PRKAR1B: variants seen among roughly 807,000 people sequenced by gnomAD.
PRKAR1B encodes cAMP-dependent protein kinase type I-beta regulatory subunit.
PRKAR1B carries 22 observed loss-of-function variants against 46.5 expected under a neutral mutation model. The observed-to-expected ratio is 0.47, with a 90% CI of 0.34 to 0.68. PRKAR1B has a LOEUF of 0.68. PRKAR1B is among the 30% of genes least tolerant of loss of function. The probability of loss-of-function intolerance (pLI) is 0.01; values close to 1 mark genes in which losing one functional copy is unlikely to be tolerated. For missense variants in PRKAR1B, 445 were observed against 535.6 expected (o/e 0.83, Z 1.67); for synonymous variants, 259 against 217.7 (o/e 1.19, Z -1.67).
At chr7:700,900 C>A (rs748331687) in intron 2 of PRKAR1B, among the ~76,000 whole-genome samples, 2 of 152,134 alleles carry the variant, frequency 1.3e-5, no homozygotes, top group Admixed American at 6.6e-5. Context: ...ACCAAAAGGA[C>A]AGGTGGGCAG....
intron 3 of PRKAR1B, 92 bp from the exon 4 acceptor site, chr7:677,412 G>A (rs1275268001): frequency 5.8e-6 from 6 of 1,037,944 alleles, no homozygotes; most frequent in South Asian, 1.3e-5. Flanking sequence ...TCAGCCTGCT[G>A]TTATCAGGCA....
chr7:561,076 G>GCA (rs756071001), intron 9 of PRKAR1B, among the ~76,000 whole-genome samples: 5 of 151,588 alleles, frequency 3.3e-5, no homozygotes, highest in Admixed American at 6.6e-5. Context: ...AAACACCTGC[G>GCA]CACACACACA....
chr7:697,898 A>AGAAGG (rs1173840559), intron 2 of PRKAR1B, among the ~76,000 whole-genome samples: 5,130 of 106,874 alleles, frequency 0.048, 299 homozygotes, highest in Non-Finnish European at 0.078. Flanking sequence ...AGAAGGGAAG[A>AGAAGG]GAAGGGAAGG....
intron 4 of PRKAR1B, among the ~76,000 whole-genome samples, chr7:653,052 C>G (rs562527015): frequency 6.6e-6 from 1 of 152,322 alleles, no homozygotes; most frequent in Admixed American, 6.5e-5. Flanking sequence ...TTCCCCACTG[C>G]ATGGTGGCTG....
chr7:557,701 C>T (rs570767291), intron 9 of PRKAR1B, among the ~76,000 whole-genome samples: 20 of 152,322 alleles, frequency 1.3e-4, no homozygotes, highest in Non-Finnish European at 2.2e-4. Context: ...AGACGCACCA[C>T]GGTCTCTCAA....
intron 3 of PRKAR1B, among the ~76,000 whole-genome samples, chr7:680,113 G>A (rs1165792476): frequency 2.7e-5 from 4 of 147,406 alleles, no homozygotes; most frequent in African/African-American, 7.6e-5. Context: ...AGCTGAGATC[G>A]CACCACTGCA....
chr7:702,022 A>G (rs1436235015), intron 2 of PRKAR1B, among the ~76,000 whole-genome samples: 1 of 152,240 alleles, frequency 6.6e-6, no homozygotes, highest in African/African-American at 2.4e-5. Context: ...TGTTAAAAGT[A>G]AAAATTATAA....
intron 1 of PRKAR1B, among the ~76,000 whole-genome samples, chr7:713,593 A>C (rs999410389): frequency 6.6e-6 from 1 of 151,494 alleles, no homozygotes; most frequent in Non-Finnish European, 1.5e-5. Flanking sequence ...ACCGTCTCCC[A>C]GTCAGCCCTC....
chr7:717,865 C>T (rs911583108), intron 1 of PRKAR1B, among the ~76,000 whole-genome samples: 1 of 152,102 alleles, frequency 6.6e-6, no homozygotes, highest in Non-Finnish European at 1.5e-5. Flanking sequence ...GTACCCTCCC[C>T]TTGAGTGTGT....
At chr7:627,947 CAG>C (rs1304428879) in intron 4 of PRKAR1B, among the ~76,000 whole-genome samples, 7 of 152,070 alleles carry the variant, frequency 4.6e-5, no homozygotes, top group Non-Finnish European at 8.8e-5. Flanking sequence ...ACCAGCAAAA[CAG>C]GGGTGAACAT....
chr7:601,971 G>A (rs1318337181), intron 6 of PRKAR1B, among the ~76,000 whole-genome samples: 1 of 152,052 alleles, frequency 6.6e-6, no homozygotes, highest in African/African-American at 2.4e-5. Flanking sequence ...GATTTGCCAG[G>A]ACAATATATT....
At chr7:624,978 T>C (rs1054324368) in intron 4 of PRKAR1B, among the ~76,000 whole-genome samples, 18 of 152,214 alleles carry the variant, frequency 1.2e-4, no homozygotes, top group African/African-American at 4.1e-4. Context: ...CAAGCTCACA[T>C]GAAACATTTA....
chr7:726,739 G>A lies in PRKAR1B; in HGVS notation c.-23+471C>T, dbSNP rs1457149692. The A allele has an allele frequency of 1.6e-6, 2 of 1,244,900 alleles. No individual in the cohort carries two copies. Among genetic ancestry groups the A allele is most frequent in the East Asian group, 6.3e-5 (2 of 31,748 alleles). The allele number at this position is 1,244,900 out of a possible 1,614,324, so 77.1% of individuals were successfully genotyped here. On this transcript the variant is annotated intron_variant, in intron 1 of 10. Coordinates refer to ENST00000537384, the MANE Select transcript of PRKAR1B (RefSeq NM_001164760.2). The stretch of plus-strand genomic sequence containing the variant: ...GGGCAAGATGGCGGCGCTGGGGGTG[G>A]CGGAGGCCGTGGCGGCCCCACACCC...
chr7:596,787 C>A (rs1781292182), intron 6 of PRKAR1B, among the ~76,000 whole-genome samples: 1 of 152,250 alleles, frequency 6.6e-6, no homozygotes, highest in Non-Finnish European at 1.5e-5. Flanking sequence ...CCAGGCCATT[C>A]CTCTGTCCCC....
chr7:707,685 G>C (rs1209721740), intron 2 of PRKAR1B, among the ~76,000 whole-genome samples: 1 of 152,134 alleles, frequency 6.6e-6, no homozygotes, highest in Non-Finnish European at 1.5e-5. Context: ...CCTATGAGAA[G>C]GGGAAATCTG....
At chr7:586,793 C>T (rs1445832014) in intron 7 of PRKAR1B, among the ~76,000 whole-genome samples, 1 of 152,102 alleles carries the variant, frequency 6.6e-6, no homozygotes, top group Non-Finnish European at 1.5e-5. Flanking sequence ...CTGAGTCCTG[C>T]AGGCGGCTGG....
At chr7:726,932 GC>G (rs1437509913) in intron 1 of PRKAR1B, 3 of 1,342,248 alleles carry the variant, frequency 2.2e-6, no homozygotes, top group South Asian at 1.7e-5. Context: ...GCTTTCCAGG[GC>G]CCCTGGGCGC....
chr7:558,482 G>A lies in PRKAR1B; in HGVS notation c.892-7012C>T, dbSNP rs187813100. Among the ~76,000 whole-genome samples, 177 of 152,292 alleles carry A rather than the reference G, an allele frequency of 1.2e-3. 1 individual carries two copies. Among genetic ancestry groups the A allele is most frequent in the African/African-American group, 4.0e-3 (165 of 41,554 alleles). ...GATCAGAAGGAAAACCAGGCCAGGC[G>A]TGGTGGCTCACTCCTATAATCCCAG... On this transcript the variant is annotated intron_variant, in intron 9 of 10. Coordinates refer to ENST00000537384, the MANE Select transcript of PRKAR1B (RefSeq NM_001164760.2).
intron 4 of PRKAR1B, among the ~76,000 whole-genome samples, chr7:676,668 G>A (rs1011858520): frequency 6.6e-5 from 10 of 152,218 alleles, no homozygotes; most frequent in African/African-American, 2.4e-4. Context: ...AGCCACCCCT[G>A]CGTGGTGAGC....
Sources: allele counts gnomAD v4.1 joint callset (sites outside exome capture counted in the v4.1 genomes callset), GRCh38; gene constraint gnomAD v4.1.1; transcripts MANE v1.5; gene names NCBI Gene and HGNC (gene_info 2026-07-23, HGNC 2026-07-21).